Variants in CHD9 observed in about 807,000 individuals in gnomAD.
CHD9 encodes chromodomain helicase DNA binding protein 9.
A neutral mutation model predicts 316.1 loss-of-function variants in CHD9; 77 were observed. That is an observed-to-expected ratio of 0.24 (90% CI 0.20 to 0.29). The LOEUF (loss-of-function observed/expected upper bound fraction) is 0.29. Among genes scored for constraint, CHD9 ranks in the 10% least tolerant of loss-of-function variants. The pLI is 1.00. For missense variants in CHD9, 2,763 were observed against 3,438.1 expected (o/e 0.80, Z 4.91); for synonymous variants, 1,129 against 1,158.3 (o/e 0.97, Z 0.51).
chr16:53,245,814 C>T lies in CHD9; in HGVS notation c.3418C>T (p.Leu1140Phe). ...VPNLVNTMME[L>F]RKCCNHPYLI... ...TAACTTGGTCAATACCATGATGGAG[C>T]TCAGGAAATGTTGTAATCATCCATA... The change falls in exon 15 of 39, where the codon CTC becomes TTC. Residue 1140 changes from leucine (L) to phenylalanine (F), a missense_variant. Leu to Phe is a conservative substitution (Grantham distance 22). Around this residue, in one of 15 missense-constraint regions of CHD9, gnomAD observed 155 missense variants for 291.8 expected, o/e 0.53. Coordinates refer to ENST00000447540, the MANE Select transcript of CHD9 (RefSeq NM_001308319.2). The surrounding 1 kb of genome is among the most constrained non-coding windows in gnomAD (Gnocchi z 4.1). 1 of 1,551,572 alleles carries T rather than the reference C, an allele frequency of 6.4e-7. No individual in the cohort carries two copies. Among genetic ancestry groups the T allele is most frequent in the Non-Finnish European group, 8.7e-7 (1 of 1,151,898 alleles).
intron 24 of CHD9, 75 bp from the exon 25 acceptor site, chr16:53,285,521 A>G: frequency 1.3e-6 from 1 of 740,762 alleles, no homozygotes; most frequent in Non-Finnish European, 2.2e-6. Context: ...AGTGCTTTAA[A>G]AGCTAGGTAA....
At chr16:53,318,051 T>A (rs1319620400) in intron 36 of CHD9, among the ~76,000 whole-genome samples, 161 bp from the exon 37 acceptor site, 1 of 151,920 alleles carries the variant, frequency 6.6e-6, no homozygotes, top group Non-Finnish European at 1.5e-5. Flanking sequence ...AGCAAGACCC[T>A]GTCTCAAAAA....
At chr16:53,123,145 G>T (rs2152659232) in intron 1 of CHD9, among the ~76,000 whole-genome samples, 1 of 149,830 alleles carries the variant, frequency 6.7e-6, no homozygotes, top group Non-Finnish European at 1.5e-5. Flanking sequence ...TTACAGGTGT[G>T]AGCCACCACG....
chr16:53,203,008 T>G (rs540439412), intron 2 of CHD9, among the ~76,000 whole-genome samples: 4 of 152,306 alleles, frequency 2.6e-5, no homozygotes, highest in Admixed American at 2.6e-4. Flanking sequence ...CTTTTCTCTT[T>G]AAACATGTAT....
chr16:53,106,655 C>CATAT (rs376495272), intron 1 of CHD9, among the ~76,000 whole-genome samples: 2 of 81,764 alleles, frequency 2.4e-5, no homozygotes, highest in Admixed American at 1.1e-4. Flanking sequence ...GACACACATA[C>CATAT]ATACACACAC....
Position 53,306,340 on chromosome 16 carries a change from A to G in CHD9, c.6723A>G (p.Pro2241=), listed in dbSNP as rs2055967819. The change falls in exon 32 of 39, where the codon CCA becomes CCG. Residue 2241 remains proline (P), a synonymous_variant. Transcript: ENST00000447540. ...QDSFQMNNGT[P]ESAYILQGGY... is the part of the protein sequence containing the mutation. ...GTTTTCAGATGAACAATGGGACACC[A>G]GAGTCTGCTTATATCTTACAAGGTG... 1.9e-6 allele frequency: 3 copies of G among 1,611,170 alleles called. No individual in the cohort carries two copies. Among genetic ancestry groups the G allele is most frequent in the Non-Finnish European group, 2.5e-6 (3 of 1,178,626 alleles).
chr16:53,142,920 A>T (rs1054481167), intron 1 of CHD9, among the ~76,000 whole-genome samples: 2 of 152,214 alleles, frequency 1.3e-5, no homozygotes, highest in African/African-American at 4.8e-5. Flanking sequence ...ACAAGCATTC[A>T]CAAGAAGGCC....
chr16:53,166,177 T>G (rs1372637963), intron 2 of CHD9, among the ~76,000 whole-genome samples: 3 of 152,188 alleles, frequency 2.0e-5, no homozygotes, highest in African/African-American at 7.2e-5. Context: ...ATTAGCTAGT[T>G]CTGAAATACA....
chr16:53,093,564 C>G (rs1208838701), intron 1 of CHD9, among the ~76,000 whole-genome samples: 2 of 152,182 alleles, frequency 1.3e-5, no homozygotes. Context: ...ATACAAGGTT[C>G]CTGCCTTCTA....
intron 1 of CHD9, among the ~76,000 whole-genome samples, chr16:53,132,480 C>G (rs887442855): frequency 7.9e-5 from 12 of 152,168 alleles, no homozygotes; most frequent in Admixed American, 2.0e-4. Context: ...CTCTAGATAA[C>G]TGTAGAAGTA....
chr16:53,288,560 A>G (rs530292980), intron 27 of CHD9, among the ~76,000 whole-genome samples: 59 of 152,146 alleles, frequency 3.9e-4, no homozygotes, highest in South Asian at 4.1e-4. Context: ...AGTGTGGTAA[A>G]AGGCTAAATG....
chr16:53,211,543 A>G (rs1343688165), intron 3 of CHD9, among the ~76,000 whole-genome samples: 4 of 152,224 alleles, frequency 2.6e-5, no homozygotes, highest in Non-Finnish European at 4.4e-5. Flanking sequence ...TGTTTTGGCT[A>G]AATACATGGT....
chr16:53,308,376 A>C (rs1490644970), intron 33 of CHD9, among the ~76,000 whole-genome samples: 1 of 152,196 alleles, frequency 6.6e-6, no homozygotes, highest in Non-Finnish European at 1.5e-5. Flanking sequence ...CCAAAATGTC[A>C]TATGAATAAT....
At chr16:53,306,085 A>G in intron 31 of CHD9, 152 bp from the exon 32 acceptor site, 1 of 460,052 alleles carries the variant, frequency 2.2e-6, no homozygotes, top group Non-Finnish European at 3.7e-6. Context: ...TGCTTTTTTT[A>G]TATTCTAGGT....
chr16:53,308,838 A>G lies in CHD9; in HGVS notation c.7206A>G (p.Lys2402=), dbSNP rs373808415. ...AGACCAGCCTCGTCAATTTCCCAAA[A>G]TCCATACCAGTATCAGGTGAATATG... ...ASETSLVNFP[K]SIPVSGTSIQ... The change falls in exon 34 of 39, where the codon AAA becomes AAG. Residue 2402 remains lysine (K), a synonymous_variant. Coordinates refer to ENST00000447540, the MANE Select transcript of CHD9 (RefSeq NM_001308319.2). The G allele has an allele frequency of 1.9e-6, 3 of 1,613,208 alleles. No individual in the cohort carries two copies. Among genetic ancestry groups the G allele is most frequent in the Non-Finnish European group, 2.5e-6 (3 of 1,179,430 alleles).
chr16:53,105,082 A>G (rs1353087636), intron 1 of CHD9, among the ~76,000 whole-genome samples: 3 of 152,138 alleles, frequency 2.0e-5, no homozygotes, highest in Non-Finnish European at 2.9e-5. Flanking sequence ...TCCTCGAGCA[A>G]TCCTCCCACC....
chr16:53,058,484 G>A (rs1188395004), intron 1 of CHD9, among the ~76,000 whole-genome samples: 1 of 152,200 alleles, frequency 6.6e-6, no homozygotes, highest in African/African-American at 2.4e-5. Context: ...CAGGCAGAAG[G>A]TGGGGTTAGA....
chr16:53,262,030 T>G (rs1177075850), intron 19 of CHD9, among the ~76,000 whole-genome samples: 2 of 152,190 alleles, frequency 1.3e-5, no homozygotes, highest in African/African-American at 2.4e-5. Flanking sequence ...TTATCAAGAC[T>G]TTTTCTTTAA....
Position 53,255,609 on chromosome 16 carries a change from C to T in CHD9, c.4039C>T (p.Leu1347Phe). The T allele has an allele frequency of 1.2e-6, 2 of 1,611,028 alleles. No homozygotes were observed. Among genetic ancestry groups the T allele is most frequent in the Non-Finnish European group, 1.7e-6 (2 of 1,178,934 alleles). Reference sequence around the variant, plus strand: ...GTTAATTTCTCCTTAGATTCAGCAGCTTTCCAAAAAGGAAATAGAAGATCT... The same window carrying T: ...GTTAATTTCTCCTTAGATTCAGCAGTTTTCCAAAAAGGAAATAGAAGATCT... ...RESNVGGIQQ[L>F]SKKEIEDLLR... Residue 1347 changes from leucine to phenylalanine, a missense_variant, in exon 19 of 39, where the codon CTT becomes TTT. By Grantham distance (22) the Leu-to-Phe change is conservative (BLOSUM62 0). Around this residue, in one of 15 missense-constraint regions of CHD9, gnomAD observed 199 missense variants for 251.7 expected, o/e 0.79. Coordinates refer to ENST00000447540, the MANE Select transcript of CHD9 (RefSeq NM_001308319.2).
Sources: allele counts gnomAD v4.1 joint callset (sites outside exome capture counted in the v4.1 genomes callset), GRCh38; gene constraint gnomAD v4.1.1; regional missense constraint gnomAD v4.1.1; non-coding constraint Gnocchi (gnomAD v3.1); transcripts MANE v1.5; gene names NCBI Gene and HGNC (gene_info 2026-07-23, HGNC 2026-07-21).